Variants in IGF2BP3 observed in about 807,000 individuals in gnomAD.
IGF2BP3 encodes the protein insulin like growth factor 2 mRNA binding protein 3, also known as insulin-like growth factor 2 mRNA-binding protein 3.
In IGF2BP3, 9 loss-of-function variants were observed where a neutral mutation model predicts 73.8. The ratio of observed to expected loss-of-function variants is 0.12; its 90% confidence interval spans 0.07 to 0.21. The LOEUF is 0.21. IGF2BP3 is among the 10% of genes least tolerant of loss of function. The pLI is 1.00. For missense variants in IGF2BP3, 542 were observed against 714.0 expected (o/e 0.76, Z 2.75); for synonymous variants, 258 against 256.7 (o/e 1.01, Z -0.05).
chr7:23,357,002 A>G (rs918871069), intron 5 of IGF2BP3, among the ~76,000 whole-genome samples: 6 of 152,238 alleles, frequency 3.9e-5, no homozygotes, highest in Non-Finnish European at 7.3e-5. Flanking sequence ...TGATCTTTGT[A>G]ATTCTGAAAG....
At chr7:23,328,737 A>T (rs1784367597) in intron 10 of IGF2BP3, among the ~76,000 whole-genome samples, 1 of 152,204 alleles carries the variant, frequency 6.6e-6, no homozygotes, top group African/African-American at 2.4e-5. Context: ...AGTAATTTAG[A>T]CCTCTACAAT....
chr7:23,395,924 T>C (rs1048204610), intron 3 of IGF2BP3, among the ~76,000 whole-genome samples: 1 of 151,182 alleles, frequency 6.6e-6, no homozygotes, highest in Admixed American at 6.6e-5. Flanking sequence ...AGACTCCATC[T>C]CAAAAAAAGA....
intron 11 of IGF2BP3, among the ~76,000 whole-genome samples, chr7:23,318,569 A>C (rs1163761903): frequency 6.6e-6 from 1 of 152,180 alleles, no homozygotes; most frequent in Non-Finnish European, 1.5e-5. Context: ...CAGAATCTTC[A>C]GAACACACAG....
chr7:23,383,011 G>C (rs1785961285), intron 3 of IGF2BP3, among the ~76,000 whole-genome samples: 1 of 151,590 alleles, frequency 6.6e-6, no homozygotes, highest in Non-Finnish European at 1.5e-5. Context: ...AAATAGAGGT[G>C]AGCTATGATG....
intron 3 of IGF2BP3, among the ~76,000 whole-genome samples, chr7:23,379,305 C>T (rs1341434588): frequency 6.6e-6 from 1 of 152,168 alleles, no homozygotes; most frequent in East Asian, 1.9e-4. Flanking sequence ...TTTTTGATCC[C>T]AGCCATGTTC....
intron 12 of IGF2BP3, among the ~76,000 whole-genome samples, chr7:23,317,371 A>G (rs1223540401): frequency 6.6e-6 from 1 of 152,244 alleles, no homozygotes; most frequent in Non-Finnish European, 1.5e-5. Flanking sequence ...GTAAATTTTA[A>G]GGTCTCACCT....
intron 3 of IGF2BP3, among the ~76,000 whole-genome samples, chr7:23,377,590 T>C (rs1785768546): frequency 6.6e-6 from 1 of 152,198 alleles, no homozygotes; most frequent in Non-Finnish European, 1.5e-5. Context: ...AAAGTTACCA[T>C]ATGATCTAGC....
chr7:23,415,891 G>T (rs1026213839), intron 3 of IGF2BP3, among the ~76,000 whole-genome samples: 3 of 152,202 alleles, frequency 2.0e-5, no homozygotes, highest in Admixed American at 2.0e-4. Flanking sequence ...TATGTTATCT[G>T]TGCTCCTGCC....
intron 10 of IGF2BP3, among the ~76,000 whole-genome samples, chr7:23,334,569 T>C (rs1160981320): frequency 6.6e-6 from 1 of 152,262 alleles, no homozygotes; most frequent in Non-Finnish European, 1.5e-5. Flanking sequence ...AGTTAAGGTC[T>C]AGTTGCATTG....
At chr7:23,396,046 T>G (rs1036982203) in intron 3 of IGF2BP3, among the ~76,000 whole-genome samples, 1 of 151,690 alleles carries the variant, frequency 6.6e-6, no homozygotes, top group South Asian at 2.1e-4. Flanking sequence ...AGTGAGTTTT[T>G]TTTTTTTTTT....
chr7:23,377,925 T>C (rs946679032), intron 3 of IGF2BP3, among the ~76,000 whole-genome samples: 1 of 152,106 alleles, frequency 6.6e-6, no homozygotes, highest in Non-Finnish European at 1.5e-5. Flanking sequence ...AGTAGATTAG[T>C]GGTTTCTAGG....
In IGF2BP3 at chr7:23,434,229, G is replaced by A. The variant is rs1293560698; in HGVS notation, c.237-15405C>T. Among the ~76,000 whole-genome samples the A allele has an allele frequency of 2.0e-5, 3 of 152,198 alleles. No individual in the cohort carries two copies. The East Asian group carries it at 5.8e-4, about 29-fold the overall frequency. ...TTAAAACCACTGTATTTTGAATACG[G>A]GGTATGTCTACATTAACAGTTTTTA... On this transcript the variant is annotated intron_variant, in intron 2 of 14. Coordinates refer to ENST00000258729, the MANE Select transcript of IGF2BP3 (RefSeq NM_006547.3).
intron 2 of IGF2BP3, among the ~76,000 whole-genome samples, chr7:23,423,909 G>A (rs1337152713): frequency 6.6e-6 from 1 of 150,680 alleles, no homozygotes; most frequent in Non-Finnish European, 1.5e-5. Flanking sequence ...CACGAGGTCA[G>A]AAGTTCGAGA....
chr7:23,437,853 T>A (rs1787841635), intron 2 of IGF2BP3, among the ~76,000 whole-genome samples: 1 of 152,150 alleles, frequency 6.6e-6, no homozygotes, highest in Non-Finnish European at 1.5e-5. Flanking sequence ...ACAAGTGAGG[T>A]CAATTTAAGA....
chr7:23,368,246 C>T (rs1326512588), intron 3 of IGF2BP3, among the ~76,000 whole-genome samples: 1 of 151,400 alleles, frequency 6.6e-6, no homozygotes, highest in Non-Finnish European at 1.5e-5. Flanking sequence ...CTTATACATG[C>T]TGCAACAGAC....
At chr7:23,417,544 G>T (rs1028266019) in intron 3 of IGF2BP3, among the ~76,000 whole-genome samples, 3 of 152,154 alleles carry the variant, frequency 2.0e-5, no homozygotes, top group African/African-American at 7.2e-5. Flanking sequence ...AGATATGCTA[G>T]TACTCTAATA....
At chr7:23,396,045 T>G (rs1786449956) in intron 3 of IGF2BP3, among the ~76,000 whole-genome samples, 1 of 149,510 alleles carries the variant, frequency 6.7e-6, no homozygotes, top group Non-Finnish European at 1.5e-5. Flanking sequence ...CAGTGAGTTT[T>G]TTTTTTTTTT....
At chr7:23,319,386 G>T in intron 10 of IGF2BP3, 132 bp from the exon 11 acceptor site, 1 of 646,800 alleles carries the variant, frequency 1.5e-6, no homozygotes. Flanking sequence ...GCTACCATAA[G>T]AAGTTGACCA....
At chr7:23,389,041 G>A (rs763683904) in intron 3 of IGF2BP3, among the ~76,000 whole-genome samples, 5 of 152,044 alleles carry the variant, frequency 3.3e-5, no homozygotes, top group African/African-American at 7.2e-5. Context: ...TTATCAAAAC[G>A]TGCACTTTAA....
Sources: allele counts gnomAD v4.1 joint callset (sites outside exome capture counted in the v4.1 genomes callset), GRCh38; gene constraint gnomAD v4.1.1; transcripts MANE v1.5; gene names NCBI Gene and HGNC (gene_info 2026-07-23, HGNC 2026-07-21).